RGS6: variants seen among roughly 807,000 people sequenced by gnomAD.
RGS6 encodes the protein regulator of G-protein signaling 6.
Under a neutral mutation model 78.5 loss-of-function variants are expected in RGS6, and 30 were observed. The ratio of observed to expected loss-of-function variants is 0.38; its 90% CI spans 0.29 to 0.52. The LOEUF is 0.52. RGS6 is among the 20% of genes least tolerant of loss of function. The pLI is 0.85. For synonymous variants in RGS6, 206 were observed against 206.0 expected (o/e 1.00, Z 0.00); for missense variants, 495 against 609.7 (o/e 0.81, Z 1.98).
At chr14:72,357,746 G>A (rs1009872075) in intron 3 of RGS6, among the ~76,000 whole-genome samples, 3 of 152,134 alleles carry the variant, frequency 2.0e-5, no homozygotes, top group South Asian at 2.1e-4. Flanking sequence ...GCAGCCTGAC[G>A]AACCAGTAGA....
intron 3 of RGS6, among the ~76,000 whole-genome samples, chr14:72,365,325 A>G (rs181049114): frequency 1.7e-4 from 26 of 152,354 alleles, no homozygotes; most frequent in Admixed American, 1.0e-3. Context: ...AGGTATAGCT[A>G]TAAGCAGAGC....
At chr14:71,927,720 C>G (rs907181894), upstream of RGS6, among the ~76,000 whole-genome samples, 1 of 150,814 alleles carries the variant, frequency 6.6e-6, no homozygotes, top group Non-Finnish European at 1.5e-5. Flanking sequence ...TGCAGTGGCG[C>G]GATCTCGACT....
At chr14:72,049,868 A>C (rs1378493605) in intron 2 of RGS6, among the ~76,000 whole-genome samples, 1 of 152,210 alleles carries the variant, frequency 6.6e-6, no homozygotes, top group Non-Finnish European at 1.5e-5. Flanking sequence ...ATGCTGTATC[A>C]AAAGCAATTT....
chr14:72,081,675 C>G (rs376235094), intron 2 of RGS6, among the ~76,000 whole-genome samples: 8 of 152,010 alleles, frequency 5.3e-5, no homozygotes, highest in Non-Finnish European at 1.0e-4. Context: ...AGAAATTTCT[C>G]TAGAATATGT....
intron 8 of RGS6, among the ~76,000 whole-genome samples, chr14:72,471,186 A>G (rs2096069007): frequency 6.6e-6 from 1 of 152,242 alleles, no homozygotes; most frequent in South Asian, 2.1e-4. Context: ...AAGAGATGAA[A>G]GGAAGAAAAA....
chr14:72,358,094 G>A (rs879942723), intron 3 of RGS6, among the ~76,000 whole-genome samples: 3 of 152,194 alleles, frequency 2.0e-5, no homozygotes, highest in Non-Finnish European at 4.4e-5. Flanking sequence ...TCCACATGGT[G>A]TTTGTCTTCT....
intron 1 of RGS6, among the ~76,000 whole-genome samples, chr14:71,934,435 C>A (rs1236487433): frequency 1.3e-5 from 2 of 152,124 alleles, no homozygotes; most frequent in African/African-American, 4.8e-5. Flanking sequence ...TTTATTCTGG[C>A]AGATCTTAAC....
intron 8 of RGS6, among the ~76,000 whole-genome samples, chr14:72,470,667 G>A (rs752713111): frequency 1.3e-5 from 2 of 152,080 alleles, no homozygotes; most frequent in Non-Finnish European, 2.9e-5. Flanking sequence ...ATCACCTGAG[G>A]TCAGGAGTTC....
At chr14:72,470,133 T>A (rs764357214) in intron 8 of RGS6, 50 bp downstream of exon 8, 2 of 1,396,312 alleles carry the variant, frequency 1.4e-6, no homozygotes. Flanking sequence ...ACTCTGGAAT[T>A]TGGAAATGGT....
intron 2 of RGS6, among the ~76,000 whole-genome samples, chr14:72,107,761 T>A (rs1177725416): frequency 6.6e-6 from 1 of 152,176 alleles, no homozygotes; most frequent in Non-Finnish European, 1.5e-5. Context: ...ATCTTCTTTT[T>A]CCTGCCCAAA....
At chr14:72,398,079 G>A (rs184453581) in intron 3 of RGS6, among the ~76,000 whole-genome samples, 2,151 of 151,940 alleles carry the variant, frequency 0.014, 54 homozygotes, top group African/African-American at 0.049. Context: ...ATGAGTTAGG[G>A]AGGATTCCCT....
intron 2 of RGS6, among the ~76,000 whole-genome samples, chr14:72,118,477 C>T (rs1318063929): frequency 6.6e-6 from 1 of 152,196 alleles, no homozygotes; most frequent in African/African-American, 2.4e-5. Flanking sequence ...CCCTGCCCTT[C>T]CTGGAAAAAT....
the RGS6 span, among the ~76,000 whole-genome samples, chr14:71,916,216 CA>C: frequency 6.6e-6 from 1 of 152,092 alleles, no homozygotes; most frequent in Non-Finnish European, 1.5e-5. Flanking sequence ...ACTTGGAAGG[CA>C]AAATAGATTG....
chr14:71,916,405 G>A, the RGS6 span, among the ~76,000 whole-genome samples: 1 of 151,714 alleles, frequency 6.6e-6, no homozygotes, highest in Admixed American at 6.6e-5. Flanking sequence ...GGCTGAGGAA[G>A]AAGATGCCCT....
chr14:72,352,272 T>G, intron 3 of RGS6, 78 bp downstream of exon 3: 1 of 982,480 alleles, frequency 1.0e-6, no homozygotes, highest in Non-Finnish European at 1.6e-6. Flanking sequence ...GCCTGAGGGG[T>G]GTCTGAAGAT....
chr14:72,370,502 A>G (rs1289501210), intron 3 of RGS6, among the ~76,000 whole-genome samples: 1 of 152,226 alleles, frequency 6.6e-6, no homozygotes, highest in African/African-American at 2.4e-5. Flanking sequence ...AGGAACAAGG[A>G]GGCTACATCT....
At chr14:72,434,286 C>T (rs1394649468) in intron 3 of RGS6, among the ~76,000 whole-genome samples, 1 of 152,226 alleles carries the variant, frequency 6.6e-6, no homozygotes. Context: ...ACGGTGAGCT[C>T]TGCTCTCACC....
chr14:72,467,075 T>G (rs2095936692), intron 7 of RGS6, among the ~76,000 whole-genome samples: 1 of 152,162 alleles, frequency 6.6e-6, no homozygotes, highest in Non-Finnish European at 1.5e-5. Context: ...TTGGGTCCAT[T>G]CCCATTTGAC....
chr14:72,432,160 C>CCCCAGGAGCCAGGTCT (rs1294804475), intron 3 of RGS6, among the ~76,000 whole-genome samples: 2 of 152,178 alleles, frequency 1.3e-5, no homozygotes, highest in East Asian at 3.8e-4. Flanking sequence ...CCCTGTTAGA[C>CCCCAGGAGCCAGGTCT]ATTGACATAG....
Sources: gnomAD v4.1 joint callset for allele counts (sites outside exome capture counted in the v4.1 genomes callset) on GRCh38, gnomAD v4.1.1 for gene constraint, MANE v1.5 for transcripts, NCBI Gene and HGNC (gene_info 2026-07-23, HGNC 2026-07-21) for gene names.